Variants in GPC5 observed in about 807,000 individuals in gnomAD.
GPC5 encodes glypican-5.
Under a neutral mutation model 53.9 loss-of-function variants are expected in GPC5, and 47 were observed. The ratio of observed to expected loss-of-function variants is 0.87; its 90% CI spans 0.69 to 1.11. GPC5 has a LOEUF of 1.11. Among genes scored for constraint, GPC5 ranks in the 50% most tolerant of loss-of-function variants. GPC5 has a pLI of 0.00. For synonymous variants in GPC5, 286 were observed against 263.3 expected (o/e 1.09, Z -0.84); for missense variants, 748 against 713.1 (o/e 1.05, Z -0.56).
intron 7 of GPC5, among the ~76,000 whole-genome samples, chr13:92,808,063 C>T (rs1877164901): frequency 6.6e-6 from 1 of 152,078 alleles, no homozygotes; most frequent in East Asian, 1.9e-4. Flanking sequence ...GGCACCAACT[C>T]AGGGTCACAG....
intron 2 of GPC5, among the ~76,000 whole-genome samples, chr13:91,533,679 C>T (rs1268750500): frequency 3.3e-5 from 5 of 152,152 alleles, no homozygotes; most frequent in African/African-American, 4.8e-5. Context: ...GCACAGGCCA[C>T]CGAAAGGAAG....
intron 7 of GPC5, among the ~76,000 whole-genome samples, chr13:92,352,787 T>C (rs1241012343): frequency 6.6e-6 from 1 of 152,198 alleles, no homozygotes; most frequent in Non-Finnish European, 1.5e-5. Context: ...AAAATAGTTT[T>C]ATTTTCTAAA....
chr13:92,006,676 C>T (rs896742184), intron 6 of GPC5, among the ~76,000 whole-genome samples: 3 of 152,094 alleles, frequency 2.0e-5, no homozygotes, highest in Non-Finnish European at 4.4e-5. Flanking sequence ...CAAGATCTTA[C>T]AATCAAAGAT....
intron 7 of GPC5, among the ~76,000 whole-genome samples, chr13:92,862,626 C>CAGATATAT (rs1879218349): frequency 7.7e-6 from 1 of 129,656 alleles, no homozygotes; most frequent in South Asian, 2.8e-4. Flanking sequence ...GATAGATAGA[C>CAGATATAT]AGATAGATAG....
chr13:92,381,777 A>C (rs2043740941), intron 7 of GPC5, among the ~76,000 whole-genome samples: 1 of 132,766 alleles, frequency 7.5e-6, no homozygotes. Flanking sequence ...ATGAGTGGAT[A>C]AATAAACTGT....
rs371035097 is a variant in GPC5 at position 91,427,960 on chromosome 13, G to A, written c.164-20801G>A. Among the ~76,000 whole-genome samples, 39 of 152,208 alleles carry A rather than the reference G, an allele frequency of 2.6e-4. No individual in the cohort carries two copies. In the East Asian group the frequency reaches 2.7e-3, roughly 11 times the overall value. ...TCTCTTGCCTGATGCCATGTAAGAC[G>A]TGCCTCTTCCCCTTCTGCCATGATT... On this transcript the variant is annotated intron_variant, in intron 1 of 7. Coordinates refer to ENST00000377067, the MANE Select transcript of GPC5 (RefSeq NM_004466.6).
intron 7 of GPC5, among the ~76,000 whole-genome samples, chr13:92,297,455 G>C (rs2043044930): frequency 7.4e-6 from 1 of 135,210 alleles, no homozygotes; most frequent in African/African-American, 2.9e-5. Context: ...CTCAAGGATT[G>C]TAAATACACC....
At chr13:92,176,127 A>T (rs7991537) in intron 7 of GPC5, among the ~76,000 whole-genome samples, 23,411 of 152,206 alleles carry the variant, frequency 0.15, 5,115 homozygotes, top group African/African-American at 0.49. Context: ...GAAGGACTTT[A>T]GAAAATACAA....
Position 92,608,215 on chromosome 13 carries a change from T to G in GPC5, c.1562-258067T>G, listed in dbSNP as rs528170124. Among the ~76,000 whole-genome samples the G allele has an allele frequency of 2.0e-5, 3 of 152,306 alleles. No homozygotes were observed. In the South Asian group the frequency reaches 6.2e-4, roughly 32 times the overall value. On this transcript the variant is annotated intron_variant, in intron 7 of 7. Transcript: ENST00000377067. ...CAAAAATTATATTTGGATTTTCAGC[T>G]GCATGGATGGCTAGCACCTCCAACT...
intron 1 of GPC5, among the ~76,000 whole-genome samples, chr13:91,431,033 C>A (rs970734762): frequency 4.6e-5 from 7 of 152,108 alleles, no homozygotes; most frequent in Non-Finnish European, 7.3e-5. Flanking sequence ...TGCTACCATG[C>A]CTGACTAATT....
chr13:91,833,639 A>C (rs1566293315), intron 5 of GPC5, among the ~76,000 whole-genome samples: 2 of 152,132 alleles, frequency 1.3e-5, no homozygotes, highest in East Asian at 3.9e-4. Context: ...AATGACAAAA[A>C]CCACATGATT....
chr13:91,732,714 G>A (rs2036728219), intron 4 of GPC5, among the ~76,000 whole-genome samples: 1 of 152,058 alleles, frequency 6.6e-6, no homozygotes, highest in African/African-American at 2.4e-5. Flanking sequence ...TGTAAGGAAG[G>A]GGTCCAGTTT....
chr13:92,625,626 C>T (rs888155386), intron 7 of GPC5, among the ~76,000 whole-genome samples: 5 of 152,164 alleles, frequency 3.3e-5, no homozygotes, highest in African/African-American at 1.2e-4. Context: ...TAACGAAGAC[C>T]TTTTAGGACT....
At chr13:91,936,484 C>T (rs1015623319) in intron 6 of GPC5, among the ~76,000 whole-genome samples, 4 of 152,020 alleles carry the variant, frequency 2.6e-5, no homozygotes, top group African/African-American at 9.7e-5. Flanking sequence ...CACAAAGCAT[C>T]ATTTTTGCCA....
At chr13:92,373,606 A>C (rs971301687) in intron 7 of GPC5, among the ~76,000 whole-genome samples, 1 of 152,212 alleles carries the variant, frequency 6.6e-6, no homozygotes, top group Non-Finnish European at 1.5e-5. Flanking sequence ...TTCTGTGATT[A>C]TAAATCGCTG....
chr13:92,459,877 C>G (rs930971725), intron 7 of GPC5, among the ~76,000 whole-genome samples: 16 of 151,998 alleles, frequency 1.1e-4, no homozygotes, highest in Admixed American at 4.6e-4. Context: ...AAAGAAAAGG[C>G]ATTCTTTAGA....
At chr13:92,174,534 CAAAGA>C (rs1479358963) in intron 7 of GPC5, among the ~76,000 whole-genome samples, 6 of 115,504 alleles carry the variant, frequency 5.2e-5, no homozygotes, top group Middle Eastern at 3.8e-3. Flanking sequence ...GATTCCAACT[CAAAGA>C]AAAAAAAAAA....
chr13:92,743,146 A>C (rs1363085740), intron 7 of GPC5, among the ~76,000 whole-genome samples: 3 of 151,440 alleles, frequency 2.0e-5, no homozygotes, highest in Non-Finnish European at 4.4e-5. Flanking sequence ...CTTGATAGGG[A>C]TGGCATTGAA....
At chr13:92,758,451 T>G (rs1036165500) in intron 7 of GPC5, among the ~76,000 whole-genome samples, 1 of 151,946 alleles carries the variant, frequency 6.6e-6, no homozygotes, top group African/African-American at 2.4e-5. Context: ...AATGTGCACA[T>G]GTACCCTAAA....
Sources: gnomAD v4.1 joint callset for allele counts (sites outside exome capture counted in the v4.1 genomes callset) on GRCh38, gnomAD v4.1.1 for gene constraint, MANE v1.5 for transcripts, NCBI Gene and HGNC (gene_info 2026-07-23, HGNC 2026-07-21) for gene names.